Variants in SPX observed in about 807,000 individuals in gnomAD.
SPX encodes the protein spexin.
Under a neutral mutation model 19.2 loss-of-function variants are expected in SPX, and 22 were observed. The observed-to-expected ratio is 1.15, with a 90% CI of 0.82 to 1.64. SPX has a LOEUF of 1.64. SPX is among the 40% of genes most tolerant of loss of function. The probability of loss-of-function intolerance (pLI) is 0.00; values close to 1 mark genes in which losing one functional copy is unlikely to be tolerated. For synonymous variants in SPX, 50 were observed against 53.3 expected (o/e 0.94, Z 0.27); for missense variants, 143 against 137.7 (o/e 1.04, Z -0.19).
rs373501799 is a variant in SPX, at chr12:21,526,436, G to T, written c.-37G>T. 1 of 1,573,820 alleles carries T rather than the reference G, an allele frequency of 6.4e-7. No individual in the cohort carries two copies. The highest frequency in any genetic ancestry group is 8.7e-7 in the Non-Finnish European group (1 of 1,152,990). ...CAAGAGTCGAAAACTCACAGATAAA[G>T]TTATAGTTATTTCAGGGTTCTGAAA... is the stretch of plus-strand genomic sequence containing the variant. On this transcript the variant is annotated 5_prime_UTR_variant, in exon 1 of 6. Transcript: ENST00000256969.
intron 5 of SPX, 40 bp downstream of exon 5, chr12:21,529,124 A>G: frequency 6.4e-7 from 1 of 1,572,824 alleles, no homozygotes; most frequent in Non-Finnish European, 8.7e-7. Context: ...ATAACAGAAC[A>G]GCTTTGCTTA....
At chr12:21,529,138 T>C (rs1943841497) in intron 5 of SPX, 54 bp downstream of exon 5, 16 of 1,556,338 alleles carry the variant, frequency 1.0e-5, no homozygotes, top group Admixed American at 3.4e-5. Context: ...TTGCTTACTT[T>C]CGGGATTCTG....
intron 5 of SPX, 89 bp downstream of exon 5, chr12:21,529,173 A>C (rs1943841864): frequency 3.8e-6 from 5 of 1,311,710 alleles, no homozygotes; most frequent in Non-Finnish European, 5.5e-6. Context: ...CCCCTCCCCC[A>C]GAATTTCTTG....
At chr12:21,529,334 T>C (rs1014976260) in intron 5 of SPX, among the ~76,000 whole-genome samples, 1 of 152,064 alleles carries the variant, frequency 6.6e-6, no homozygotes, top group Non-Finnish European at 1.5e-5. Flanking sequence ...ATCATGAGAA[T>C]GGAGATACCT....
At chr12:21,529,214 T>C in intron 5 of SPX, 130 bp downstream of exon 5, 1 of 767,088 alleles carries the variant, frequency 1.3e-6, no homozygotes, top group South Asian at 1.7e-5. Flanking sequence ...AATTCTGTAC[T>C]GCTTGAGTGA....
chr12:21,528,097 G>T (rs1184082376), intron 4 of SPX: 2 of 372,390 alleles, frequency 5.4e-6, no homozygotes, highest in Non-Finnish European at 1.0e-5. Flanking sequence ...CCCTCTGGCT[G>T]CCAGGGTGTG....
chr12:21,528,906 A>T, intron 4 of SPX, 95 bp from the exon 5 acceptor site: 1 of 1,113,118 alleles, frequency 9.0e-7, no homozygotes, highest in Non-Finnish European at 1.4e-6. Flanking sequence ...TCTATTTCAT[A>T]GAGGTTTTTC....
Position 21,531,435 on chromosome 12 carries a change from G to A in SPX, c.*240G>A, listed in dbSNP as rs1943864404. 1 of 323,288 alleles carries A rather than the reference G, an allele frequency of 3.1e-6. No individual in the cohort carries two copies. Among genetic ancestry groups the A allele is most frequent in the Non-Finnish European group, 5.6e-6 (1 of 179,824 alleles). 20.0% of individuals were successfully genotyped at this position (323,288 alleles called of 1,614,324 possible). ...TCAGATCACCTTGTGTCTTACTCTT[G>A]AGTTTCTTAGAATATTTATAATTAT... On this transcript the variant is annotated 3_prime_UTR_variant, in exon 6 of 6. Coordinates refer to ENST00000256969, the MANE Select transcript of SPX (RefSeq NM_030572.4).
At chr12:21,526,727 T>A (rs1402869714) in intron 1 of SPX, among the ~76,000 whole-genome samples, 159 bp from the exon 2 acceptor site, 1 of 152,178 alleles carries the variant, frequency 6.6e-6, no homozygotes, top group African/African-American at 2.4e-5. Context: ...TCTTTGTGAA[T>A]TAACTAGAAG....
At chr12:21,530,199 A>T (rs573874001) in intron 5 of SPX, among the ~76,000 whole-genome samples, 2 of 152,278 alleles carry the variant, frequency 1.3e-5, no homozygotes, top group Admixed American at 1.3e-4. Flanking sequence ...TGATAAATTA[A>T]TCACTAGTCT....
intron 3 of SPX, 53 bp from the exon 4 acceptor site, chr12:21,527,674 C>T: frequency 3.9e-6 from 6 of 1,529,210 alleles, no homozygotes; most frequent in Non-Finnish European, 5.3e-6. Flanking sequence ...GAGGTTTAAG[C>T]CCGGGTTGTC....
chr12:21,527,585 C>T (rs1943826229), intron 3 of SPX, 142 bp from the exon 4 acceptor site: 2 of 806,090 alleles, frequency 2.5e-6, no homozygotes, highest in Non-Finnish European at 4.0e-6. Flanking sequence ...GCTGGAAACT[C>T]GGCAGCCCCG....
chr12:21,527,098 G>A (rs1187022701), intron 2 of SPX, 37 bp from the exon 3 acceptor site: 1 of 1,606,802 alleles, frequency 6.2e-7, no homozygotes, highest in Non-Finnish European at 8.5e-7. Flanking sequence ...GAGCTGCAAT[G>A]TTTTATTAAC....
chr12:21,531,041 C>A, intron 5 of SPX, 96 bp from the exon 6 acceptor site: 1 of 782,700 alleles, frequency 1.3e-6, no homozygotes, highest in Non-Finnish European at 2.1e-6. Flanking sequence ...GCTTAGAAGG[C>A]TAAATGTTTA....
rs191557809 is a variant in SPX at position 21,527,806 on chromosome 12, G to C, written c.208+17G>C. On this transcript the variant is annotated intron_variant, in intron 4 of 5. Transcript: ENST00000256969. ...CACTGCCGGGTGAGTGACCAAGGGT[G>C]CAAGGGCGCTAGTCCTGCGCTTTTG... The C allele has an allele frequency of 1.7e-3, 2,623 of 1,567,734 alleles. 5 individuals carry two copies. The highest frequency in any genetic ancestry group is 2.1e-3 in the Non-Finnish European group (2,392 of 1,155,638).
At chr12:21,527,695 C>T (rs1172498677) in intron 3 of SPX, 32 bp from the exon 4 acceptor site, 2 of 1,553,690 alleles carry the variant, frequency 1.3e-6, no homozygotes, top group Admixed American at 2.0e-5. Flanking sequence ...CCGGGCCAGG[C>T]TGTCGCTGAG....
At chr12:21,529,604 G>A (rs1308465250) in intron 5 of SPX, among the ~76,000 whole-genome samples, 1 of 152,112 alleles carries the variant, frequency 6.6e-6, no homozygotes. Context: ...GAACTCAGGG[G>A]ACATTAAACA....
At chr12:21,529,142 GA>G (rs1555151748) in intron 5 of SPX, 58 bp downstream of exon 5, 16 of 1,544,290 alleles carry the variant, frequency 1.0e-5, no homozygotes, top group Admixed American at 3.4e-5. Flanking sequence ...TTACTTTCGG[GA>G]TTCTGTGTTG....
chr12:21,527,587 G>A, intron 3 of SPX, 140 bp from the exon 4 acceptor site: 1 of 815,348 alleles, frequency 1.2e-6, no homozygotes, highest in South Asian at 1.8e-5. Context: ...TGGAAACTCG[G>A]CAGCCCCGCG....
Sources: allele counts gnomAD v4.1 joint callset (sites outside exome capture counted in the v4.1 genomes callset), GRCh38; gene constraint gnomAD v4.1.1; transcripts MANE v1.5; gene names NCBI Gene and HGNC (gene_info 2026-07-23, HGNC 2026-07-21).